VPS41: variants seen among roughly 807,000 people sequenced by gnomAD.
VPS41 encodes VPS41 subunit of HOPS complex.
VPS41 carries 85 observed loss-of-function variants against 130.9 expected under a neutral mutation model. The observed-to-expected ratio is 0.65, with a 90% CI of 0.55 to 0.78. The LOEUF is 0.78. Ranked by LOEUF, VPS41 falls within the 30% of genes least tolerant of loss-of-function variation. The pLI, the probability that VPS41 is intolerant of heterozygous loss-of-function variation, is 0.00. For missense variants in VPS41, 874 were observed against 1,018.7 expected (o/e 0.86, Z 1.93); for synonymous variants, 335 against 332.9 (o/e 1.01, Z -0.07).
intron 15 of VPS41, among the ~76,000 whole-genome samples, chr7:38,767,114 G>A (rs1784060809): frequency 6.6e-6 from 1 of 152,122 alleles, no homozygotes; most frequent in African/African-American, 2.4e-5. Context: ...CACTCTATTT[G>A]ACTACTATTG....
chr7:38,761,263 C>CTTT (rs66692164), intron 17 of VPS41, among the ~76,000 whole-genome samples: 1 of 57,006 alleles, frequency 1.8e-5, no homozygotes, highest in East Asian at 4.3e-4. Flanking sequence ...CTCTTCCTCT[C>CTTT]TTTTTTTTTT....
chr7:38,737,203 C>A (rs112386814), intron 25 of VPS41, among the ~76,000 whole-genome samples: 5,861 of 152,126 alleles, frequency 0.039, 378 homozygotes, highest in African/African-American at 0.13. Flanking sequence ...GATAAACTGT[C>A]TCTACTAAAA....
intron 7 of VPS41, among the ~76,000 whole-genome samples, chr7:38,801,146 A>G (rs1784717687): frequency 1.3e-5 from 2 of 152,182 alleles, no homozygotes; most frequent in South Asian, 4.1e-4. Context: ...CTTCCAGCAG[A>G]GGGGAGGAGG....
intron 4 of VPS41, among the ~76,000 whole-genome samples, chr7:38,835,166 C>T (rs924323741): frequency 6.6e-6 from 1 of 151,736 alleles, no homozygotes; most frequent in Non-Finnish European, 1.5e-5. Context: ...CTTTGATTAT[C>T]ATTATCAGGT....
chr7:38,752,082 T>C, intron 22 of VPS41, 94 bp downstream of exon 22: 1 of 1,540,064 alleles, frequency 6.5e-7, no homozygotes, highest in Non-Finnish European at 8.9e-7. Context: ...AAGGGACAGA[T>C]GAACAGAGAT....
At chr7:38,782,988 C>T (rs994609102) in intron 10 of VPS41, among the ~76,000 whole-genome samples, 10 of 152,056 alleles carry the variant, frequency 6.6e-5, no homozygotes, top group East Asian at 2.0e-4. Flanking sequence ...GTGGTGACAA[C>T]GTGCCTGTAG....
At chr7:38,811,211 G>C (rs996904205) in intron 7 of VPS41, among the ~76,000 whole-genome samples, 1 of 151,692 alleles carries the variant, frequency 6.6e-6, no homozygotes, top group African/African-American at 2.4e-5. Context: ...AACAAAACAC[G>C]CTAATGTCAA....
chr7:38,798,697 T>G (rs1784668042), intron 7 of VPS41, among the ~76,000 whole-genome samples: 1 of 152,130 alleles, frequency 6.6e-6, no homozygotes, highest in African/African-American at 2.4e-5. Context: ...GCACAGTGAG[T>G]GCTCAATAAT....
Position 38,776,669 on chromosome 7 carries a change from A to C in VPS41, c.882+10T>G. 6.4e-7 allele frequency: 1 copy of C among 1,551,572 alleles called. No homozygotes were observed. Among genetic ancestry groups the C allele is most frequent in the Non-Finnish European group, 8.9e-7 (1 of 1,123,600 alleles). On this transcript the variant is annotated intron_variant, in intron 11 of 28. Transcript: ENST00000310301. The stretch of plus-strand genomic sequence containing the variant: ...CCACATGCCTTTGTATCTGGGGAGA[A>C]AATAATTACCGTTTTTTCTGAAATC...
At chr7:38,779,152 T>C (rs188465168) in intron 10 of VPS41, among the ~76,000 whole-genome samples, 104 of 152,330 alleles carry the variant, frequency 6.8e-4, no homozygotes, top group Admixed American at 2.7e-3. Flanking sequence ...TTGCCAAATT[T>C]TGCTAATTGA....
chr7:38,898,531 A>T (rs1787065227), intron 1 of VPS41, among the ~76,000 whole-genome samples: 1 of 152,240 alleles, frequency 6.6e-6, no homozygotes, highest in Non-Finnish European at 1.5e-5. Flanking sequence ...GCTATTAATT[A>T]TCATGCTATT....
chr7:38,756,975 A>AG lies in VPS41; in HGVS notation c.1557dup (p.Tyr520LeufsTer2), dbSNP rs1287936756. 9 of 1,590,504 alleles carry AG rather than the reference A, an allele frequency of 5.7e-6. No homozygotes were observed. The highest frequency in any genetic ancestry group is 7.7e-6 in the Non-Finnish European group (9 of 1,161,994). On this transcript the variant is annotated frameshift_variant, in exon 19 of 29. Coordinates refer to ENST00000310301, the MANE Select transcript of VPS41 (RefSeq NM_014396.4). LOFTEE classifies it high-confidence loss of function. ...AGAGCATTGCCATAGTTCTTGTCAT[A>AG]GGTGTACCTGGTAATACAAATTTTT...
chr7:38,753,019 C>CT (rs1308313138), intron 21 of VPS41, among the ~76,000 whole-genome samples: 1 of 152,186 alleles, frequency 6.6e-6, no homozygotes, highest in Admixed American at 6.5e-5. Flanking sequence ...AAAAAGTTAA[C>CT]TTCACAGGAA....
intron 13 of VPS41, among the ~76,000 whole-genome samples, chr7:38,772,207 G>T (rs955389229): frequency 5.3e-5 from 8 of 151,932 alleles, no homozygotes; most frequent in African/African-American, 1.9e-4. Context: ...AATCTAAATA[G>T]ACACTTCTGA....
intron 2 of VPS41, among the ~76,000 whole-genome samples, chr7:38,872,314 T>C (rs1786383342): frequency 6.6e-6 from 1 of 152,202 alleles, no homozygotes; most frequent in Non-Finnish European, 1.5e-5. Flanking sequence ...GGAAGCCCCA[T>C]CCATGTTTCA....
chr7:38,849,771 G>A (rs1349862733), intron 4 of VPS41, among the ~76,000 whole-genome samples: 1 of 152,130 alleles, frequency 6.6e-6, no homozygotes, highest in African/African-American at 2.4e-5. Context: ...ACAGGATGGG[G>A]TGTGGCAGGA....
intron 4 of VPS41, among the ~76,000 whole-genome samples, chr7:38,857,836 A>G (rs1786018979): frequency 1.3e-5 from 2 of 152,232 alleles, no homozygotes; most frequent in Admixed American, 1.3e-4. Flanking sequence ...TAAGACATCA[A>G]TCAATACATG....
At position 38,804,334 on chromosome 7, in the gene VPS41, A is replaced by T. The variant is rs1378451061; in HGVS notation, c.451-7470T>A. On this transcript the variant is annotated intron_variant, in intron 7 of 28. Coordinates refer to ENST00000310301, the MANE Select transcript of VPS41 (RefSeq NM_014396.4). ...TTTTTCTGATCCTCTCCCTTCTCCC[A>T]TCCTCCATCCTCCAATAGGCCCCAG... is the stretch of plus-strand genomic sequence containing the variant. Among the ~76,000 whole-genome samples, 5 of 152,134 alleles carry T rather than the reference A, an allele frequency of 3.3e-5. No individual in the cohort carries two copies. In the South Asian group the frequency reaches 8.3e-4, roughly 25 times the overall value.
chr7:38,834,088 A>G (rs1785441998), intron 4 of VPS41, among the ~76,000 whole-genome samples: 1 of 146,320 alleles, frequency 6.8e-6, no homozygotes, highest in African/African-American at 2.6e-5. Flanking sequence ...ATGAAACTCA[A>G]TATCCATTCA....
Sources: gnomAD v4.1 joint callset for allele counts (sites outside exome capture counted in the v4.1 genomes callset) on GRCh38, gnomAD v4.1.1 for gene constraint, MANE v1.5 for transcripts, NCBI Gene and HGNC (gene_info 2026-07-23, HGNC 2026-07-21) for gene names.